Variants in C8orf34 observed in about 807,000 individuals in gnomAD.
The protein encoded by C8orf34 is chromosome 8 open reading frame 34, also known as uncharacterized protein C8orf34.
C8orf34 carries 65 observed loss-of-function variants against 68.3 expected under a neutral mutation model. The observed-to-expected ratio is 0.95, with a 90% CI of 0.78 to 1.17. The LOEUF (loss-of-function observed/expected upper bound fraction) is 1.17. C8orf34 is among the 50% of genes most tolerant of loss of function. The probability of loss-of-function intolerance (pLI) is 0.00; values close to 1 mark genes in which losing one functional copy is unlikely to be tolerated. For missense variants in C8orf34, 664 were observed against 655.4 expected (o/e 1.01, Z -0.14); for synonymous variants, 244 against 241.2 (o/e 1.01, Z -0.11).
chr8:68,559,930 T>C (rs1816370619), intron 7 of C8orf34, among the ~76,000 whole-genome samples: 1 of 152,044 alleles, frequency 6.6e-6, no homozygotes, highest in African/African-American at 2.4e-5. Flanking sequence ...GTCAAGTAGG[T>C]ACAGAGAGGA....
At chr8:68,589,429 TAAAA>T (rs1563547185) in intron 7 of C8orf34, among the ~76,000 whole-genome samples, 2 of 104,946 alleles carry the variant, frequency 1.9e-5, no homozygotes, top group East Asian at 2.8e-4. Context: ...GGAGAGAAAA[TAAAA>T]GAAGGAAGGG....
intron 8 of C8orf34, among the ~76,000 whole-genome samples, chr8:68,655,435 C>T (rs751797303): frequency 5.3e-5 from 8 of 152,158 alleles, no homozygotes; most frequent in Non-Finnish European, 8.8e-5. Flanking sequence ...AGTTCCCTAA[C>T]TTACGATGGT....
chr8:68,641,707 G>A (rs151209206), intron 8 of C8orf34, among the ~76,000 whole-genome samples: 2 of 152,278 alleles, frequency 1.3e-5, no homozygotes, highest in African/African-American at 4.8e-5. Flanking sequence ...GGGATATGAG[G>A]TGTTTGTTTT....
intron 7 of C8orf34, among the ~76,000 whole-genome samples, chr8:68,542,683 G>T (rs775468549): frequency 3.4e-4 from 52 of 152,154 alleles, no homozygotes; most frequent in Middle Eastern, 6.8e-3. Context: ...CCAACATAAA[G>T]CTTTCAACTG....
intron 1 of C8orf34, among the ~76,000 whole-genome samples, chr8:68,346,755 A>G (rs950066264): frequency 6.6e-6 from 1 of 151,988 alleles, no homozygotes; most frequent in Non-Finnish European, 1.5e-5. Flanking sequence ...AGGTTCCTCC[A>G]TGTCTTTTCA....
chr8:68,331,783 CTTT>C (rs552564162), intron 1 of C8orf34, among the ~76,000 whole-genome samples: 442 of 29,456 alleles, frequency 0.015, 2 homozygotes, highest in Non-Finnish European at 0.024. Flanking sequence ...TTCTTTCCTT[CTTT>C]TTTTTTTTTT....
At chr8:68,679,096 C>T (rs527458151) in intron 8 of C8orf34, among the ~76,000 whole-genome samples, 39 of 151,628 alleles carry the variant, frequency 2.6e-4, no homozygotes, top group Admixed American at 7.2e-4. Context: ...GTCAGGAGAT[C>T]GAAACACAGT....
chr8:68,519,384 C>T (rs1392177749), intron 5 of C8orf34, among the ~76,000 whole-genome samples: 2 of 152,126 alleles, frequency 1.3e-5, no homozygotes, highest in African/African-American at 4.8e-5. Flanking sequence ...TTCTCAGAGA[C>T]CTCATAGCTC....
intron 8 of C8orf34, among the ~76,000 whole-genome samples, chr8:68,704,401 A>G (rs1821105777): frequency 6.6e-6 from 1 of 152,162 alleles, no homozygotes; most frequent in Non-Finnish European, 1.5e-5. Flanking sequence ...AAAACACCTG[A>G]AAAAAGCAAA....
intron 9 of C8orf34, among the ~76,000 whole-genome samples, chr8:68,717,143 C>A (rs1262785834): frequency 6.6e-6 from 1 of 151,960 alleles, no homozygotes. Flanking sequence ...TGCAGCTCAC[C>A]ATTAAATGAG....
chr8:68,589,762 GGA>G (rs1003679868), intron 7 of C8orf34, among the ~76,000 whole-genome samples: 5 of 145,008 alleles, frequency 3.4e-5, no homozygotes, highest in South Asian at 2.2e-4. Flanking sequence ...AAGGAAGGAA[GGA>G]GAGAGAGAAA....
At chr8:68,482,260 C>CGT (rs1812891601) in intron 4 of C8orf34, among the ~76,000 whole-genome samples, 1 of 152,114 alleles carries the variant, frequency 6.6e-6, no homozygotes, top group South Asian at 2.1e-4. Context: ...GGCCTCCCCA[C>CGT]GTGTGTGGAA....
chr8:68,725,677 T>G (rs896175275), intron 10 of C8orf34, among the ~76,000 whole-genome samples: 12 of 152,320 alleles, frequency 7.9e-5, no homozygotes, highest in African/African-American at 2.6e-4. Flanking sequence ...ATGAGCATAC[T>G]GAGCTTCCAA....
intron 12 of C8orf34, among the ~76,000 whole-genome samples, chr8:68,797,496 A>T (rs1039807367): frequency 2.0e-5 from 3 of 152,050 alleles, no homozygotes; most frequent in Admixed American, 6.5e-5. Context: ...AAGTGGAGCT[A>T]CCATATTCCA....
At chr8:68,655,760 T>A (rs886601631) in intron 8 of C8orf34, among the ~76,000 whole-genome samples, 1 of 152,166 alleles carries the variant, frequency 6.6e-6, no homozygotes, top group African/African-American at 2.4e-5. Context: ...TCGAGGAGCA[T>A]CTGTTTAGGG....
intron 2 of C8orf34, among the ~76,000 whole-genome samples, 183 bp downstream of exon 2, chr8:68,439,829 G>A (rs1182317823): frequency 6.6e-6 from 1 of 152,106 alleles, no homozygotes; most frequent in African/African-American, 2.4e-5. Flanking sequence ...ATATCGTAAT[G>A]TATTATGTCT....
chr8:68,747,628 A>G (rs1487542529), intron 10 of C8orf34, among the ~76,000 whole-genome samples: 1 of 152,062 alleles, frequency 6.6e-6, no homozygotes, highest in Admixed American at 6.6e-5. Context: ...GGGAACTCCC[A>G]TTCACAATTG....
chr8:68,600,916 C>T (rs1047349103), intron 7 of C8orf34, among the ~76,000 whole-genome samples: 3 of 152,188 alleles, frequency 2.0e-5, no homozygotes, highest in Non-Finnish European at 4.4e-5. Context: ...TTCTCCTCCT[C>T]GCACACACAC....
At chr8:68,332,560 A>T (rs1805671918) in intron 1 of C8orf34, among the ~76,000 whole-genome samples, 1 of 152,050 alleles carries the variant, frequency 6.6e-6, no homozygotes, top group Non-Finnish European at 1.5e-5. Context: ...GAAGAGAAGC[A>T]AGTGAGAACT....
Sources: allele counts gnomAD v4.1 joint callset (sites outside exome capture counted in the v4.1 genomes callset), GRCh38; gene constraint gnomAD v4.1.1; transcripts MANE v1.5; gene names NCBI Gene and HGNC (gene_info 2026-07-23, HGNC 2026-07-21).